TCF4: variants seen among roughly 807,000 people sequenced by gnomAD.
TCF4 encodes SL3-3 enhancer factor 2.
In TCF4, 3 loss-of-function variants were observed where a neutral mutation model predicts 82.1. That is an observed-to-expected ratio of 0.04 (90% CI 0.02 to 0.09). The LOEUF (loss-of-function observed/expected upper bound fraction) is 0.09, where lower values mean the gene tolerates loss of function less well. Among genes scored for constraint, TCF4 ranks in the 10% least tolerant of loss-of-function variants. TCF4 has a pLI of 1.00. For missense variants in TCF4, 518 were observed against 852.7 expected (o/e 0.61, Z 4.89); for synonymous variants, 276 against 309.6 (o/e 0.89, Z 1.14).
chr18:55,535,134 A>G (rs1240704751), intron 3 of TCF4, among the ~76,000 whole-genome samples: 2 of 152,258 alleles, frequency 1.3e-5, no homozygotes, highest in Non-Finnish European at 2.9e-5. Flanking sequence ...TAAGGTTACC[A>G]ATAACACCAC....
At position 55,226,500 on chromosome 18, in the gene TCF4, T is replaced by C. The variant is rs576014496; in HGVS notation, c.*1535A>G. 3 of 152,610 alleles carry C rather than the reference T, an allele frequency of 2.0e-5. No individual in the cohort carries two copies. The highest frequency in any genetic ancestry group is 4.4e-5 in the Non-Finnish European group (3 of 68,028). The allele number at this position is 152,610 out of a possible 1,614,324, so 9.5% of individuals were successfully genotyped here. A position where few individuals can be genotyped will look rare whatever the true frequency, so the allele number is the denominator to read the frequency against. The stretch of plus-strand genomic sequence containing the variant: ...GCTGTGCCATAGCTTGATCTATGTT[T>C]CTATCAAATATGGTAAGTATAAACT... On this transcript the variant is annotated 3_prime_UTR_variant, in exon 20 of 20. Transcript: ENST00000354452.
intron 3 of TCF4, among the ~76,000 whole-genome samples, chr18:55,464,413 G>A (rs2095957606): frequency 6.6e-6 from 1 of 152,126 alleles, no homozygotes; most frequent in Non-Finnish European, 1.5e-5. Context: ...CTTTATAGAT[G>A]TGAAACTGTA....
chr18:55,425,626 T>C (rs1030668908), intron 5 of TCF4, among the ~76,000 whole-genome samples: 17 of 152,294 alleles, frequency 1.1e-4, no homozygotes, highest in African/African-American at 3.8e-4. Flanking sequence ...TCTACACATT[T>C]GCATTAATAA....
intron 15 of TCF4, among the ~76,000 whole-genome samples, chr18:55,253,988 G>C (rs1427542948): frequency 6.6e-6 from 1 of 152,132 alleles, no homozygotes; most frequent in Non-Finnish European, 1.5e-5. Context: ...CAAGGAGTTG[G>C]AACAACCCAA....
At chr18:55,629,119 T>A (rs1386847313) in intron 2 of TCF4, among the ~76,000 whole-genome samples, 1 of 152,152 alleles carries the variant, frequency 6.6e-6, no homozygotes, top group African/African-American at 2.4e-5. Flanking sequence ...ATATTTTGTG[T>A]GTGTGATACT....
chr18:55,621,642 A>T (rs1413594614), intron 2 of TCF4, among the ~76,000 whole-genome samples: 4 of 10,670 alleles, frequency 3.7e-4, no homozygotes, highest in African/African-American at 3.1e-3. Context: ...TATATTATAT[A>T]ATATACATTA....
chr18:55,542,906 A>C (rs1410756638), intron 3 of TCF4, among the ~76,000 whole-genome samples: 1 of 152,104 alleles, frequency 6.6e-6, no homozygotes, highest in Non-Finnish European at 1.5e-5. Flanking sequence ...ACTTAGAATC[A>C]GTTGGGAACA....
At chr18:55,314,194 T>C (rs893767668) in intron 8 of TCF4, among the ~76,000 whole-genome samples, 6 of 152,116 alleles carry the variant, frequency 3.9e-5, no homozygotes, top group Admixed American at 2.6e-4. Flanking sequence ...TTGTTACACA[T>C]TTATCCCAAC....
At chr18:55,427,711 G>C (rs2095044133) in intron 5 of TCF4, among the ~76,000 whole-genome samples, 1 of 152,146 alleles carries the variant, frequency 6.6e-6, no homozygotes, top group Non-Finnish European at 1.5e-5. Context: ...CACCTACAAT[G>C]AAAGTTTACA....
intron 3 of TCF4, among the ~76,000 whole-genome samples, chr18:55,517,194 C>T (rs529882759): frequency 3.8e-4 from 58 of 152,230 alleles, no homozygotes; most frequent in Non-Finnish European, 6.3e-4. Flanking sequence ...ACGCTTTGAC[C>T]AATGGAGTAT....
chr18:55,411,972 C>T (rs550910683), intron 5 of TCF4, among the ~76,000 whole-genome samples: 25 of 152,202 alleles, frequency 1.6e-4, no homozygotes, highest in Admixed American at 9.8e-4. Flanking sequence ...AACTCCCGAC[C>T]TCAAGTGATC....
intron 8 of TCF4, among the ~76,000 whole-genome samples, chr18:55,304,656 T>C (rs2069583975): frequency 6.6e-6 from 1 of 152,082 alleles, no homozygotes; most frequent in African/African-American, 2.4e-5. Flanking sequence ...AAATGGTAGT[T>C]TTTTGGGGCA....
intron 8 of TCF4, among the ~76,000 whole-genome samples, chr18:55,320,171 T>C (rs1415703530): frequency 6.6e-6 from 1 of 151,874 alleles, no homozygotes; most frequent in African/African-American, 2.4e-5. Flanking sequence ...TAACTACCAA[T>C]TGCAAATCAT....
chr18:55,574,430 T>G (rs752901130), intron 3 of TCF4, among the ~76,000 whole-genome samples: 19 of 152,298 alleles, frequency 1.2e-4, no homozygotes, highest in Non-Finnish European at 1.5e-4. Context: ...ATTCAAGCCA[T>G]TCTCCTGCCT....
At chr18:55,362,436 A>AGGAAGGAAGGAAGGAAGGAAGG (rs1482551366) in intron 6 of TCF4, among the ~76,000 whole-genome samples, 2 of 131,004 alleles carry the variant, frequency 1.5e-5, no homozygotes, top group African/African-American at 5.8e-5. Flanking sequence ...GAAGGAAGGA[A>AGGAAGGAAGGAAGGAAGGAAGG]AAAAAAAAAG....
chr18:55,233,262 G>A (rs1326785321), intron 16 of TCF4, among the ~76,000 whole-genome samples: 1 of 152,108 alleles, frequency 6.6e-6, no homozygotes, highest in Non-Finnish European at 1.5e-5. Context: ...TTTAAAACAC[G>A]ACCCTAATGT....
intron 2 of TCF4, among the ~76,000 whole-genome samples, chr18:55,614,623 G>T (rs1294257405): frequency 6.6e-6 from 1 of 151,758 alleles, no homozygotes; most frequent in Non-Finnish European, 1.5e-5. Context: ...AATTTTTTTT[G>T]AGTTTTAAAA....
At chr18:55,518,267 G>A (rs2146436122) in intron 3 of TCF4, among the ~76,000 whole-genome samples, 1 of 152,020 alleles carries the variant, frequency 6.6e-6, no homozygotes, top group Admixed American at 6.6e-5. Context: ...GAATTCATCA[G>A]GTACAGTTAA....
intron 3 of TCF4, among the ~76,000 whole-genome samples, chr18:55,468,589 T>C (rs910344421): frequency 1.3e-5 from 2 of 152,236 alleles, no homozygotes; most frequent in African/African-American, 4.8e-5. Context: ...TATAGAGCTA[T>C]ATACTTATAT....
Sources: allele counts gnomAD v4.1 joint callset (sites outside exome capture counted in the v4.1 genomes callset), GRCh38; gene constraint gnomAD v4.1.1; transcripts MANE v1.5; gene names NCBI Gene and HGNC (gene_info 2026-07-23, HGNC 2026-07-21).